The following C12orf75 variants were observed in gnomAD, a reference collection of about 807,000 sequenced individuals.
The protein encoded by C12orf75 is chromosome 12 open reading frame 75.
In C12orf75, 4 loss-of-function variants were observed where a neutral mutation model predicts 11.4. That is an observed-to-expected ratio of 0.35 (90% CI 0.17 to 0.80). The LOEUF is 0.80. C12orf75 is among the 30% of genes least tolerant of loss of function. C12orf75 has a pLI of 0.52. For missense variants in C12orf75, 89 were observed against 80.4 expected (o/e 1.11, Z -0.41); for synonymous variants, 30 against 30.0 (o/e 1.00, Z 0.00).
At chr12:105,369,220 T>C (rs1871563067) in intron 5 of C12orf75, among the ~76,000 whole-genome samples, 1 of 152,182 alleles carries the variant, frequency 6.6e-6, no homozygotes, top group Admixed American at 6.5e-5. Flanking sequence ...TTAGACACGA[T>C]GATTGCTCAC....
chr12:105,346,487 C>T (rs1450638577), intron 1 of C12orf75, among the ~76,000 whole-genome samples: 1 of 152,110 alleles, frequency 6.6e-6, no homozygotes, highest in Non-Finnish European at 1.5e-5. Flanking sequence ...CTATCAAAAA[C>T]ACTCTACTGT....
intron 2 of C12orf75, among the ~76,000 whole-genome samples, chr12:105,358,471 T>A (rs1892815942): frequency 6.6e-6 from 1 of 152,188 alleles, no homozygotes; most frequent in Non-Finnish European, 1.5e-5. Flanking sequence ...CAGTGAGCTA[T>A]GATTGTGCCA....
At chr12:105,359,622 T>C (rs796366279) in intron 2 of C12orf75, among the ~76,000 whole-genome samples, 7 of 151,982 alleles carry the variant, frequency 4.6e-5, no homozygotes, top group African/African-American at 1.7e-4. Context: ...AATACAAAAA[T>C]TACTCAGGCG....
intron 1 of C12orf75, among the ~76,000 whole-genome samples, chr12:105,334,441 G>A (rs1892475489): frequency 6.6e-6 from 1 of 152,230 alleles, no homozygotes; most frequent in Non-Finnish European, 1.5e-5. Flanking sequence ...CCTCCTGGAG[G>A]AGTTGAGCTG....
At chr12:105,343,956 A>G (rs561598741) in intron 1 of C12orf75, among the ~76,000 whole-genome samples, 42 of 152,282 alleles carry the variant, frequency 2.8e-4, no homozygotes, top group African/African-American at 9.9e-4. Flanking sequence ...ATGCCCTTTC[A>G]AATGAGGGCC....
chr12:105,332,532 GACCAGTGTA>G (rs935184936), intron 1 of C12orf75, among the ~76,000 whole-genome samples: 1 of 152,018 alleles, frequency 6.6e-6, no homozygotes, highest in Non-Finnish European at 1.5e-5. Context: ...AGGAACTCGA[GACCAGTGTA>G]ACCAACATGG....
In C12orf75 at chr12:105,365,816, A is replaced by T; in HGVS notation, c.81A>T (p.Glu27Asp). Residue 27 changes from glutamate (E) to aspartate (D), a missense_variant, in exon 3 of 6, where the codon GAA (glutamate) becomes GAT (aspartate). Physicochemically the swap from Glu to Asp is conservative, Grantham distance 45 (BLOSUM62 2). Coordinates refer to ENST00000443585, the MANE Select transcript of C12orf75 (RefSeq NM_001145199.2). Reference sequence around the variant, plus strand: ...GTTTCTGACCTTTTAGAACAGAAGAATCCGTAACAGAAGATGACAAGAGGA... The same window carrying T: ...GTTTCTGACCTTTTAGAACAGAAGATTCCGTAACAGAAGATGACAAGAGGA... ...PAGAAKDVTE[E>D]SVTEDDKRRN... 6.5e-7 allele frequency: 1 copy of T among 1,549,524 alleles called. No individual in the cohort carries two copies. Among genetic ancestry groups the T allele is most frequent in the Non-Finnish European group, 8.7e-7 (1 of 1,144,994 alleles).
In C12orf75 at chr12:105,371,370, C is replaced by G. The variant is rs1239708741; in HGVS notation, c.*770C>G. 1 of 152,190 alleles carries G rather than the reference C, an allele frequency of 6.6e-6. No homozygotes were observed. Among genetic ancestry groups the G allele is most frequent in the Non-Finnish European group, 1.5e-5 (1 of 68,044 alleles). The allele number at this position is 152,190 out of a possible 1,614,324, so 9.4% of individuals were successfully genotyped here. On this transcript the variant is annotated 3_prime_UTR_variant, in exon 6 of 6. Transcript: ENST00000443585. Reference sequence around the variant, plus strand: ...TCACGACAATCTCATCATATTATTTCTATAACTTTTCAAGGACTTGCGATG... The same window carrying G: ...TCACGACAATCTCATCATATTATTTGTATAACTTTTCAAGGACTTGCGATG...
chr12:105,340,164 G>T (rs190115505), intron 1 of C12orf75, among the ~76,000 whole-genome samples: 1 of 151,824 alleles, frequency 6.6e-6, no homozygotes, highest in Non-Finnish European at 1.5e-5. Context: ...GGTGGCTCAC[G>T]CCTGTAATCC....
At chr12:105,345,539 C>T (rs1892628387) in intron 1 of C12orf75, among the ~76,000 whole-genome samples, 1 of 151,368 alleles carries the variant, frequency 6.6e-6, no homozygotes, top group African/African-American at 2.4e-5. Context: ...AAATATATTT[C>T]TTTGACATAA....
intron 1 of C12orf75, among the ~76,000 whole-genome samples, chr12:105,341,627 T>C (rs920298779): frequency 2.3e-4 from 35 of 152,198 alleles, no homozygotes; most frequent in African/African-American, 8.2e-4. Flanking sequence ...GTGGAAGAGG[T>C]ACTTGGGGAA....
intron 2 of C12orf75, among the ~76,000 whole-genome samples, chr12:105,363,894 G>T (rs537423494): frequency 6.6e-6 from 1 of 152,138 alleles, no homozygotes; most frequent in African/African-American, 2.4e-5. Flanking sequence ...TTATAATGGA[G>T]AACACAGATT....
intron 2 of C12orf75, among the ~76,000 whole-genome samples, chr12:105,364,949 C>A (rs117414714): frequency 0.036 from 5,468 of 151,268 alleles, 109 homozygotes; most frequent in Middle Eastern, 0.061. Context: ...TCAAGGATTC[C>A]TGTGCCTCAG....
chr12:105,355,338 T>C (rs1344394188), intron 2 of C12orf75, among the ~76,000 whole-genome samples: 1 of 151,888 alleles, frequency 6.6e-6, no homozygotes, highest in African/African-American at 2.4e-5. Flanking sequence ...CCCAGCTGAT[T>C]TTTGTGTTTT....
chr12:105,341,150 TATACCTGG>T (rs1189190039), intron 1 of C12orf75, among the ~76,000 whole-genome samples: 1 of 152,230 alleles, frequency 6.6e-6, no homozygotes, highest in Non-Finnish European at 1.5e-5. Context: ...TATTAAACTG[TATACCTGG>T]AGTATAAATA....
At chr12:105,360,208 T>G (rs1418367982) in intron 2 of C12orf75, among the ~76,000 whole-genome samples, 1 of 152,244 alleles carries the variant, frequency 6.6e-6, no homozygotes, top group Non-Finnish European at 1.5e-5. Flanking sequence ...CTCTGTGTTC[T>G]GCTCTCCCTC....
At chr12:105,356,305 G>T (rs1012662310) in intron 2 of C12orf75, among the ~76,000 whole-genome samples, 1 of 152,084 alleles carries the variant, frequency 6.6e-6, no homozygotes, top group African/African-American at 2.4e-5. Flanking sequence ...AGGTTATCAT[G>T]AATGGTAACT....
In C12orf75 at chr12:105,330,869, C is replaced by T; in HGVS notation, c.-23C>T. On this transcript the variant is annotated 5_prime_UTR_variant, in exon 1 of 6. Coordinates refer to ENST00000443585, the MANE Select transcript of C12orf75 (RefSeq NM_001145199.2). ...ACCCGCGGCCGAGAGCTCCGGAGCG[C>T]GGCTTCCCCGGCCGGCTGCGCGATG... The T allele has an allele frequency of 2.4e-6, 3 of 1,253,598 alleles. No individual in the cohort carries two copies. Among genetic ancestry groups the T allele is most frequent in the Non-Finnish European group, 3.0e-6 (3 of 1,000,098 alleles). The allele number at this position is 1,253,598 out of a possible 1,614,324, so 77.7% of individuals were successfully genotyped here.
intron 1 of C12orf75, among the ~76,000 whole-genome samples, chr12:105,338,255 A>G (rs990693077): frequency 4.6e-5 from 7 of 151,880 alleles, no homozygotes; most frequent in Admixed American, 1.3e-4. Context: ...GCTCAGTGCA[A>G]CCTCCACCTC....
Sources: allele counts gnomAD v4.1 joint callset (sites outside exome capture counted in the v4.1 genomes callset), GRCh38; gene constraint gnomAD v4.1.1; transcripts MANE v1.5; gene names NCBI Gene and HGNC (gene_info 2026-07-23, HGNC 2026-07-21).